HYKK: variants seen among roughly 807,000 people sequenced by gnomAD.
The protein encoded by HYKK is 5-hydroxy-L-lysine kinase.
A neutral mutation model predicts 29.7 loss-of-function variants in HYKK; 19 were observed. That is an observed-to-expected ratio of 0.64 (90% CI 0.45 to 0.94). HYKK has a LOEUF of 0.94. HYKK is among the 40% of genes least tolerant of loss of function. The probability of loss-of-function intolerance (pLI) is 0.00; values close to 1 mark genes in which losing one functional copy is unlikely to be tolerated. For synonymous variants in HYKK, 152 were observed against 158.1 expected (o/e 0.96, Z 0.29); for missense variants, 390 against 443.4 (o/e 0.88, Z 1.08).
At chr15:78,524,616 C>T (rs1456616198) in intron 3 of HYKK, among the ~76,000 whole-genome samples, 1 of 152,284 alleles carries the variant, frequency 6.6e-6, no homozygotes, top group East Asian at 1.9e-4. Flanking sequence ...CGAGATCAGC[C>T]TGGCCAACAT....
Position 78,535,141 on chromosome 15 carries a change from A to T in HYKK, c.*1471A>T, listed in dbSNP as rs1184238078. ...ACTCAATAGTTATCTTTCTATATAT[A>T]TGAACAGGCATTGATCCTATCTCCA... On this transcript the variant is annotated 3_prime_UTR_variant, in exon 5 of 5. Coordinates refer to ENST00000388988, the MANE Select transcript of HYKK (RefSeq NM_001013619.4). 6.6e-6 allele frequency: 1 copy of T among 152,174 alleles called. No individual in the cohort carries two copies. Among genetic ancestry groups the T allele is most frequent in the African/African-American group, 2.4e-5 (1 of 41,428 alleles). The allele number at this position is 152,174 out of a possible 1,614,324, so 9.4% of individuals were successfully genotyped here. A position where few individuals can be genotyped will look rare whatever the true frequency, so the allele number is the denominator to read the frequency against.
rs1374179633 is a variant in HYKK at position 78,533,586 on chromosome 15, G to A, written c.1038G>A (p.Gln346=). 3 of 1,614,166 alleles carry A rather than the reference G, an allele frequency of 1.9e-6. No homozygotes were observed. The highest frequency in any genetic ancestry group is 2.5e-6 in the Non-Finnish European group (3 of 1,180,004). The change falls in exon 5 of 5, where the codon CAG becomes CAA. Residue 346 remains glutamine (Q), a synonymous_variant. Coordinates refer to ENST00000388988, the MANE Select transcript of HYKK (RefSeq NM_001013619.4). ...VTAKTGWKHL[Q]QMFDMGQKAV... The stretch of plus-strand genomic sequence containing the variant: ...CAAAAACCGGGTGGAAACACTTACA[G>A]CAAATGTTTGACATGGGTCAGAAAG...
chr15:78,517,263 T>C (rs1309469757), intron 3 of HYKK, among the ~76,000 whole-genome samples: 2 of 151,908 alleles, frequency 1.3e-5, no homozygotes, highest in African/African-American at 4.8e-5. Context: ...CTTTTGTATG[T>C]GTGTGGCTGC....
rs929869394 is a variant in HYKK at position 78,511,758 on chromosome 15, T to C, written c.-5-1326T>C. On this transcript the variant is annotated intron_variant, in intron 1 of 4. Coordinates refer to ENST00000388988, the MANE Select transcript of HYKK (RefSeq NM_001013619.4). ...AAAAAAAAAATCAATTCAGGCCAGG[T>C]CCAGTGGCTCACACCTGTAATCCCA... Among the ~76,000 whole-genome samples, 15 of 150,430 alleles carry C rather than the reference T, an allele frequency of 1.0e-4. No individual in the cohort carries two copies. In the East Asian group the frequency reaches 2.7e-3, roughly 27 times the overall value.
chr15:78,524,765 C>T (rs191901392), intron 3 of HYKK, among the ~76,000 whole-genome samples: 18 of 152,084 alleles, frequency 1.2e-4, no homozygotes, highest in African/African-American at 1.9e-4. Context: ...GCCAGGATCG[C>T]GCCACTGCAC....
chr15:78,526,860 C>T (rs952216), intron 3 of HYKK, among the ~76,000 whole-genome samples: 47,625 of 152,048 alleles, frequency 0.31, 8,509 homozygotes, highest in Non-Finnish European at 0.42. Context: ...AGTCAATGAC[C>T]ATGAGAGAAT....
At chr15:78,521,275 C>T (rs2052193459) in intron 3 of HYKK, among the ~76,000 whole-genome samples, 1 of 151,864 alleles carries the variant, frequency 6.6e-6, no homozygotes, top group Non-Finnish European at 1.5e-5. Context: ...ATTTGGTCCT[C>T]AGATGGGCTG....
rs748654893 is a variant in HYKK, at chr15:78,511,059, G to C, written c.-5-2025G>C. Among the ~76,000 whole-genome samples the C allele has an allele frequency of 2.0e-5, 3 of 148,172 alleles. No individual in the cohort carries two copies. The Admixed American group carries it at 2.1e-4, about 10-fold the overall frequency. ...TAGCCTTGAGTGTTCTCCCACCTTG[G>C]CTTCCCAAAGTGCTGGCTGGGATTA... On this transcript the variant is annotated intron_variant, in intron 1 of 4. Coordinates refer to ENST00000388988, the MANE Select transcript of HYKK (RefSeq NM_001013619.4).
chr15:78,520,234 T>G (rs1488490570), intron 3 of HYKK, among the ~76,000 whole-genome samples: 1 of 151,842 alleles, frequency 6.6e-6, no homozygotes, highest in Non-Finnish European at 1.5e-5. Flanking sequence ...ATTTATTTAT[T>G]TATTTATTTA....
At position 78,533,459 on chromosome 15, in the gene HYKK, C is replaced by T. The variant is rs752947154; in HGVS notation, c.911C>T (p.Ala304Val). 36 of 1,614,052 alleles carry T rather than the reference C, an allele frequency of 2.2e-5. No individual in the cohort carries two copies. The highest frequency in any genetic ancestry group is 3.1e-5 in the Non-Finnish European group (36 of 1,180,036). ...CCACTGACAGCTGTAGAGAAGGGTGCTTTGTTTTTACTTGTATGCAGTCGT... is the reference window on the plus strand; with the variant it reads ...CCACTGACAGCTGTAGAGAAGGGTGTTTTGTTTTTACTTGTATGCAGTCGT... ...ITPLTAVEKG[A>V]LFLLVCSRFC... The change falls in exon 5 of 5, where the codon GCT becomes GTT. Residue 304 changes from alanine to valine, a missense_variant. Transcript: ENST00000388988.
chr15:78,518,634 C>A, intron 3 of HYKK: 1 of 454,568 alleles, frequency 2.2e-6, no homozygotes, highest in African/African-American at 2.0e-5. Context: ...AACTGAAGAC[C>A]AGGCCGGGCG....
At chr15:78,525,480 A>G (rs1331682173) in intron 3 of HYKK, among the ~76,000 whole-genome samples, 1 of 146,480 alleles carries the variant, frequency 6.8e-6, no homozygotes, top group East Asian at 2.1e-4. Flanking sequence ...AAAGAAATCT[A>G]ATTTTTAAAT....
At chr15:78,510,003 G>A (rs2052055670) in intron 1 of HYKK, among the ~76,000 whole-genome samples, 1 of 152,186 alleles carries the variant, frequency 6.6e-6, no homozygotes, top group East Asian at 1.9e-4. Context: ...GAGGATCAGG[G>A]AAGGCCATGG....
At position 78,533,683 on chromosome 15, in the gene HYKK, T is replaced by C. The variant is rs778467452; in HGVS notation, c.*13T>C. The C allele has an allele frequency of 1.3e-6, 2 of 1,581,692 alleles. No homozygotes were observed. Among genetic ancestry groups the C allele is most frequent in the South Asian group, 1.1e-5 (1 of 89,738 alleles). ...GATCTCCATGTGACTGAGATCTCCA[T>C]GTGACTCAAAGTTCACTTTAACTTG... is the stretch of plus-strand genomic sequence containing the variant. On this transcript the variant is annotated 3_prime_UTR_variant, in exon 5 of 5. Transcript: ENST00000388988.
intron 1 of HYKK, among the ~76,000 whole-genome samples, chr15:78,508,452 A>G (rs1048850219): frequency 2.2e-4 from 33 of 151,634 alleles, no homozygotes; most frequent in Admixed American, 2.1e-3. Context: ...ATCAAGAATG[A>G]CTCCTGTTTC....
At chr15:78,531,137 A>G (rs2052308037) in intron 4 of HYKK, among the ~76,000 whole-genome samples, 1 of 152,204 alleles carries the variant, frequency 6.6e-6, no homozygotes, top group South Asian at 2.1e-4. Flanking sequence ...TGCTGGGATT[A>G]CAGGCGTGAA....
At chr15:78,529,518 G>A (rs2052290175) in intron 4 of HYKK, among the ~76,000 whole-genome samples, 1 of 152,212 alleles carries the variant, frequency 6.6e-6, no homozygotes, top group African/African-American at 2.4e-5. Context: ...AGCTAGCAGA[G>A]TGTAAAAGTT....
At chr15:78,537,342 C>G (rs765803703), downstream of HYKK, 2 of 651,514 alleles carry the variant, frequency 3.1e-6, no homozygotes, top group African/African-American at 1.8e-5. Context: ...CAGTAAAGAT[C>G]TGTTGAATAA....
Position 78,533,389 on chromosome 15 carries a change from A to G in HYKK, c.841A>G (p.Ile281Val), listed in dbSNP as rs762104696. 6.8e-6 allele frequency: 11 copies of G among 1,614,118 alleles called. No homozygotes were observed. The highest frequency in any genetic ancestry group is 1.1e-5 in the South Asian group (1 of 91,086). The change falls in exon 5 of 5, where the codon ATA (isoleucine) becomes GTA (valine). Residue 281 changes from isoleucine (I) to valine (V), a missense_variant. Transcript: ENST00000388988. The part of the protein sequence containing the change: ...MYMMIESKSP[I>V]QVGGHVLAGF... Reference sequence around the variant, plus strand: ...CATGATGATTGAGAGCAAGAGTCCTATACAAGTAGGAGGCCATGTCCTTGC... The same window carrying G: ...CATGATGATTGAGAGCAAGAGTCCTGTACAAGTAGGAGGCCATGTCCTTGC...
Sources: gnomAD v4.1 joint callset for allele counts (sites outside exome capture counted in the v4.1 genomes callset) on GRCh38, gnomAD v4.1.1 for gene constraint, MANE v1.5 for transcripts, NCBI Gene and HGNC (gene_info 2026-07-23, HGNC 2026-07-21) for gene names.